Variants in CCDC7 observed in about 807,000 individuals in gnomAD.
The protein encoded by CCDC7 is coiled-coil domain containing 7, also known as coiled-coil domain-containing protein 7.
A neutral mutation model predicts 196.9 loss-of-function variants in CCDC7; 183 were observed. That is an observed-to-expected ratio of 0.93 (90% confidence interval 0.82 to 1.05). CCDC7 has a LOEUF of 1.05. Among genes scored for constraint, CCDC7 ranks in the 50% least tolerant of loss-of-function variants. The probability of loss-of-function intolerance (pLI) is 0.00; values close to 1 mark genes in which losing one functional copy is unlikely to be tolerated. For missense variants in CCDC7, 1,540 were observed against 1,482.2 expected (o/e 1.04, Z -0.64); for synonymous variants, 525 against 484.6 (o/e 1.08, Z -1.10).
At position 32,508,350 on chromosome 10, in the gene CCDC7, T is replaced by G. The variant is rs79815385; in HGVS notation, c.873-9595T>G. On this transcript the variant is annotated intron_variant, in intron 9 of 41. Transcript: ENST00000639629. ...AATTTAACCAAGGAAGTAAAAGATATGCACACAGAAAACTATAAAACACAT... is the reference window on the plus strand; with the variant it reads ...AATTTAACCAAGGAAGTAAAAGATAGGCACACAGAAAACTATAAAACACAT... Among the ~76,000 whole-genome samples the G allele has an allele frequency of 2.1e-3, 322 of 152,250 alleles. 6 individuals carry two copies. The East Asian group carries it at 0.047, about 22-fold the overall frequency.
chr10:32,681,549 G>A (rs1201371804), intron 21 of CCDC7, among the ~76,000 whole-genome samples: 1 of 152,052 alleles, frequency 6.6e-6, no homozygotes, highest in Admixed American at 6.5e-5. Flanking sequence ...AAGGGGAGAG[G>A]AGTTGATTCA....
intron 39 of CCDC7, among the ~76,000 whole-genome samples, chr10:32,851,372 T>C (rs2136275354): frequency 6.6e-6 from 1 of 152,298 alleles, no homozygotes; most frequent in Non-Finnish European, 1.5e-5. Flanking sequence ...TTCAAAGATT[T>C]ATTAAGTTTC....
chr10:32,747,624 A>T (rs1256418023), intron 28 of CCDC7, among the ~76,000 whole-genome samples: 1 of 152,192 alleles, frequency 6.6e-6, no homozygotes, highest in Non-Finnish European at 1.5e-5. Flanking sequence ...TAACATCTCT[A>T]ATCATTAGAG....
chr10:32,807,788 C>T (rs2086154700), intron 30 of CCDC7, among the ~76,000 whole-genome samples: 1 of 151,840 alleles, frequency 6.6e-6, no homozygotes, highest in Admixed American at 6.6e-5. Context: ...GAGAACCAAG[C>T]AGATGCAGCA....
intron 11 of CCDC7, among the ~76,000 whole-genome samples, chr10:32,533,195 A>G (rs554919869): frequency 6.6e-6 from 1 of 150,636 alleles, no homozygotes; most frequent in Admixed American, 6.7e-5. Context: ...AGTTGTTTTA[A>G]AGAGATGATA....
intron 18 of CCDC7, among the ~76,000 whole-genome samples, chr10:32,590,657 T>C (rs1017378817): frequency 2.0e-5 from 3 of 152,200 alleles, no homozygotes; most frequent in Non-Finnish European, 2.9e-5. Flanking sequence ...GCATTTCTTA[T>C]AGGACAGGTC....
chr10:32,490,728 G>T (rs1473639619), intron 8 of CCDC7, among the ~76,000 whole-genome samples: 1 of 152,044 alleles, frequency 6.6e-6, no homozygotes, highest in Non-Finnish European at 1.5e-5. Flanking sequence ...AACCCGGGAG[G>T]CAGAGCTTGC....
At chr10:32,697,064 T>A (rs2077831121) in intron 24 of CCDC7, among the ~76,000 whole-genome samples, 1 of 152,180 alleles carries the variant, frequency 6.6e-6, no homozygotes, top group Non-Finnish European at 1.5e-5. Flanking sequence ...TTGTAATATG[T>A]AATGAAATAA....
At chr10:32,572,776 T>C (rs950828846) in intron 16 of CCDC7, among the ~76,000 whole-genome samples, 1 of 151,724 alleles carries the variant, frequency 6.6e-6, no homozygotes, top group African/African-American at 2.4e-5. Context: ...TTTGAGAATG[T>C]ATAAGAAAAA....
intron 18 of CCDC7, among the ~76,000 whole-genome samples, chr10:32,610,318 A>T (rs1357117840): frequency 1.3e-5 from 2 of 152,004 alleles, no homozygotes; most frequent in Non-Finnish European, 2.9e-5. Context: ...GTTAGCCAGG[A>T]TGGTCTCAAT....
intron 28 of CCDC7, among the ~76,000 whole-genome samples, chr10:32,742,930 C>T (rs1202593161): frequency 2.0e-5 from 3 of 152,170 alleles, no homozygotes; most frequent in African/African-American, 7.2e-5. Flanking sequence ...TTCAGATTGG[C>T]TTATTTCAAC....
At chr10:32,806,912 A>T (rs1410963224) in intron 30 of CCDC7, among the ~76,000 whole-genome samples, 2 of 152,182 alleles carry the variant, frequency 1.3e-5, no homozygotes, top group African/African-American at 4.8e-5. Context: ...CCCCACTAAG[A>T]TTAAAAGCTG....
At chr10:32,713,378 G>A (rs2081117138) in intron 25 of CCDC7, among the ~76,000 whole-genome samples, 1 of 152,202 alleles carries the variant, frequency 6.6e-6, no homozygotes, top group Non-Finnish European at 1.5e-5. Flanking sequence ...CTTTGTCCTA[G>A]GTGTAGGTCC....
intron 21 of CCDC7, among the ~76,000 whole-genome samples, chr10:32,666,158 G>C (rs7899433): frequency 0.45 from 65,499 of 145,282 alleles, 15,490 homozygotes; most frequent in East Asian, 0.58. Flanking sequence ...AAGTTTCACC[G>C]GTGTTATTTA....
chr10:32,849,170 A>AT (rs1355727245), intron 39 of CCDC7, among the ~76,000 whole-genome samples: 1 of 148,120 alleles, frequency 6.8e-6, no homozygotes, highest in African/African-American at 2.5e-5. Context: ...TCTCACTCTT[A>AT]TTTTAATTTT....
chr10:32,507,484 T>A (rs1263728049), intron 9 of CCDC7, among the ~76,000 whole-genome samples: 2 of 152,146 alleles, frequency 1.3e-5, no homozygotes, highest in Non-Finnish European at 2.9e-5. Context: ...GGATTCTCAC[T>A]CTGTTGCCCA....
chr10:32,747,459 A>C (rs1173849448), intron 28 of CCDC7, among the ~76,000 whole-genome samples: 2 of 152,200 alleles, frequency 1.3e-5, no homozygotes, highest in Non-Finnish European at 2.9e-5. Context: ...ATATGCACAA[A>C]CTATGCATCC....
intron 20 of CCDC7, among the ~76,000 whole-genome samples, chr10:32,636,166 G>T (rs1339421600): frequency 6.6e-6 from 1 of 152,122 alleles, no homozygotes; most frequent in African/African-American, 2.4e-5. Context: ...TGAGTCATTA[G>T]CATATATTGC....
chr10:32,505,777 A>G (rs2044864432), intron 9 of CCDC7, among the ~76,000 whole-genome samples: 1 of 151,744 alleles, frequency 6.6e-6, no homozygotes, highest in Non-Finnish European at 1.5e-5. Flanking sequence ...GGCCGGGCAG[A>G]GGCGCTCCTC....
Sources: allele counts gnomAD v4.1 joint callset (sites outside exome capture counted in the v4.1 genomes callset), GRCh38; gene constraint gnomAD v4.1.1; transcripts MANE v1.5; gene names NCBI Gene and HGNC (gene_info 2026-07-23, HGNC 2026-07-21).